Variants in NDEL1 observed in about 807,000 individuals in gnomAD.
The protein encoded by NDEL1 is nudE neurodevelopment protein 1 like 1, also known as nuclear distribution protein nudE-like 1.
NDEL1 carries 9 observed loss-of-function variants against 45.7 expected under a neutral mutation model. The observed-to-expected ratio is 0.20, with a 90% CI of 0.12 to 0.34. NDEL1 has a LOEUF of 0.34. NDEL1 is among the 10% of genes least tolerant of loss of function. The probability of loss-of-function intolerance (pLI) is 1.00; values close to 1 mark genes in which losing one functional copy is unlikely to be tolerated. For synonymous variants in NDEL1, 133 were observed against 158.6 expected (o/e 0.84, Z 1.21); for missense variants, 306 against 406.2 (o/e 0.75, Z 2.12).
rs1911632576 is a variant in NDEL1, at chr17:8,466,925, C to T, written c.945-5C>T. 6.2e-7 allele frequency: 1 copy of T among 1,614,104 alleles called. No individual in the cohort carries two copies. ...TTCCCTTCTGTGCTCTGGTTGCTCC[C>T]ACAGGGCAGTAAACGGCTTTGACCC... On this transcript the variant is annotated splice_polypyrimidine_tract_variant and splice_region_variant and intron_variant, in intron 8 of 8. Transcript: ENST00000334527.
intron 8 of NDEL1, among the ~76,000 whole-genome samples, chr17:8,462,261 A>G (rs901765818): frequency 6.6e-6 from 1 of 152,160 alleles, no homozygotes; most frequent in African/African-American, 2.4e-5. Flanking sequence ...TTTTCTATTA[A>G]GAAATATGCT....
intron 1 of NDEL1, among the ~76,000 whole-genome samples, chr17:8,420,066 C>T (rs1335195885): frequency 6.6e-6 from 1 of 152,176 alleles, no homozygotes; most frequent in African/African-American, 2.4e-5. Context: ...GCAGATGGCT[C>T]AACACTTCCC....
rs1010089942 is a variant in NDEL1, at chr17:8,461,955, A to G, written c.944+1795A>G. 5.3e-5 allele frequency among the ~76,000 whole-genome samples: 8 copies of G among 151,926 alleles called. No individual in the cohort carries two copies. The East Asian group carries it at 1.3e-3, about 26-fold the overall frequency. On this transcript the variant is annotated intron_variant, in intron 8 of 8. Transcript: ENST00000334527. Reference sequence around the variant, plus strand: ...ACAGTCACGAGGAGGGAAGGATAACACTGTCTGTTCAGGGTCGCTACTCCT... The same window carrying G: ...ACAGTCACGAGGAGGGAAGGATAACGCTGTCTGTTCAGGGTCGCTACTCCT...
chr17:8,468,789 A>G (rs1285083593), downstream of NDEL1, among the ~76,000 whole-genome samples: 1 of 152,236 alleles, frequency 6.6e-6, no homozygotes, highest in Non-Finnish European at 1.5e-5. Context: ...GCGGATCACA[A>G]GGTCAGGAGT....
chr17:8,459,029 A>AC (rs1432272097), intron 7 of NDEL1, among the ~76,000 whole-genome samples: 1 of 152,100 alleles, frequency 6.6e-6, no homozygotes, highest in Non-Finnish European at 1.5e-5. Flanking sequence ...ACTGCACCCA[A>AC]CCATTGTTGC....
chr17:8,420,413 G>C (rs1908674009), intron 1 of NDEL1, among the ~76,000 whole-genome samples: 1 of 152,214 alleles, frequency 6.6e-6, no homozygotes, highest in Admixed American at 6.5e-5. Context: ...CATGCTGACT[G>C]TTATGTAAGA....
intron 1 of NDEL1, among the ~76,000 whole-genome samples, chr17:8,425,653 A>G (rs906717604): frequency 6.6e-6 from 1 of 152,028 alleles, no homozygotes; most frequent in African/African-American, 2.4e-5. Context: ...CATGCCAGGC[A>G]TTGGGGCCAG....
At chr17:8,450,651 A>T in intron 5 of NDEL1, 129 bp from the exon 6 acceptor site, 1 of 822,176 alleles carries the variant, frequency 1.2e-6, no homozygotes, top group South Asian at 2.0e-5. Context: ...GTTATACTTA[A>T]ATAGGAAATT....
downstream of NDEL1, among the ~76,000 whole-genome samples, chr17:8,471,998 C>T (rs926526499): frequency 6.6e-6 from 1 of 152,138 alleles, no homozygotes; most frequent in Non-Finnish European, 1.5e-5. Context: ...GCCTGGAACT[C>T]AAGGGAGAGG....
At chr17:8,428,862 A>G (rs1267099861) in intron 1 of NDEL1, among the ~76,000 whole-genome samples, 2 of 151,068 alleles carry the variant, frequency 1.3e-5, no homozygotes, top group South Asian at 2.1e-4. Context: ...TTTAGTAGAG[A>G]CGGGGTTTCA....
At chr17:8,428,725 C>G (rs1318148731) in intron 1 of NDEL1, among the ~76,000 whole-genome samples, 1 of 149,490 alleles carries the variant, frequency 6.7e-6, no homozygotes, top group Non-Finnish European at 1.5e-5. Context: ...CCAGGCCAGA[C>G]TGCAGTGGCA....
chr17:8,414,086 T>C (rs1203180885), intron 1 of NDEL1, among the ~76,000 whole-genome samples: 12 of 152,172 alleles, frequency 7.9e-5, no homozygotes, highest in African/African-American at 2.9e-4. Flanking sequence ...ATCTCTTGAG[T>C]GTCATCTCTT....
rs185143312 is a variant in NDEL1 at position 8,452,866 on chromosome 17, A to G, written c.700+1913A>G. Among the ~76,000 whole-genome samples, 9 of 149,258 alleles carry G rather than the reference A, an allele frequency of 6.0e-5. 2 individuals are homozygous for G. The East Asian group carries it at 1.8e-3, about 29-fold the overall frequency. On this transcript the variant is annotated intron_variant, in intron 6 of 8. Coordinates refer to ENST00000334527, the MANE Select transcript of NDEL1 (RefSeq NM_030808.5). ...GTGATTCTCCTGCCTTGGCCTCCCAAGTAGCTGGGATTACAGGTGTGTGCC... is the reference window on the plus strand; with the variant it reads ...GTGATTCTCCTGCCTTGGCCTCCCAGGTAGCTGGGATTACAGGTGTGTGCC...
chr17:8,460,450 C>T (rs916924763), intron 8 of NDEL1, among the ~76,000 whole-genome samples: 1 of 152,138 alleles, frequency 6.6e-6, no homozygotes, highest in African/African-American at 2.4e-5. Context: ...TCCCTGTTCT[C>T]CAGGTGCTTA....
intron 1 of NDEL1, among the ~76,000 whole-genome samples, chr17:8,425,469 G>A (rs1458157343): frequency 6.6e-6 from 1 of 151,976 alleles, no homozygotes; most frequent in Non-Finnish European, 1.5e-5. Context: ...GTGGTCCCAA[G>A]TACTTGAGAG....
At chr17:8,442,548 C>T (rs1325806943) in intron 1 of NDEL1, among the ~76,000 whole-genome samples, 1 of 151,898 alleles carries the variant, frequency 6.6e-6, no homozygotes, top group African/African-American at 2.4e-5. Flanking sequence ...CTCAAGCAGT[C>T]CTCCTGCCTC....
At chr17:8,455,668 C>T (rs2151730875) in intron 7 of NDEL1, among the ~76,000 whole-genome samples, 1 of 121,290 alleles carries the variant, frequency 8.2e-6, no homozygotes, top group South Asian at 2.7e-4. Flanking sequence ...GCCTGGGCAA[C>T]AGACAGCAAG....
Position 8,435,913 on chromosome 17 carries a change from CG to C in NDEL1, c.-144del. The C allele has an allele frequency of 2.2e-6, 1 of 447,326 alleles. No homozygotes were observed. Among genetic ancestry groups the C allele is most frequent in the South Asian group, 1.6e-5 (1 of 64,052 alleles). The allele number at this position is 447,326 out of a possible 1,614,324, so 27.7% of individuals were successfully genotyped here. A position where few individuals can be genotyped will look rare whatever the true frequency, so the allele number is the denominator to read the frequency against. Reference sequence around the variant, plus strand: ...CCTGACGTGTCGGGGAGGAGCCGGGCGCGGAGGTACGCTGAGTGGAGCTCGG... The same window carrying C: ...CCTGACGTGTCGGGGAGGAGCCGGGCCGGAGGTACGCTGAGTGGAGCTCGG... On this transcript the variant is annotated 5_prime_UTR_variant, in exon 1 of 9. Transcript: ENST00000334527.
intron 8 of NDEL1, chr17:8,461,417 AT>A (rs1245102883): frequency 2.6e-5 from 4 of 152,108 alleles, no homozygotes; most frequent in Non-Finnish European, 4.4e-5. Context: ...TGTTTAAATA[AT>A]TTTTGTTTTC....
Sources: allele counts gnomAD v4.1 joint callset (sites outside exome capture counted in the v4.1 genomes callset), GRCh38; gene constraint gnomAD v4.1.1; transcripts MANE v1.5; gene names NCBI Gene and HGNC (gene_info 2026-07-23, HGNC 2026-07-21).